NGRN: variants seen among roughly 807,000 people sequenced by gnomAD.
NGRN encodes neugrin.
Under a neutral mutation model 13.1 loss-of-function variants are expected in NGRN, and 12 were observed. The observed-to-expected ratio is 0.92, with a 90% CI of 0.59 to 1.49. NGRN has a LOEUF of 1.49. Among genes scored for constraint, NGRN ranks in the 40% most tolerant of loss-of-function variants. NGRN has a pLI of 0.00. For synonymous variants in NGRN, 149 were observed against 145.8 expected (o/e 1.02, Z -0.16); for missense variants, 397 against 357.0 (o/e 1.11, Z -0.90).
In NGRN at chr15:90,271,823, C is replaced by T; in HGVS notation, c.*35C>T. ...TGGCTTATGGAGATGCCTCGTGAAA[C>T]ACAGCTGGGCAAGTATTAATGTATA... On this transcript the variant is annotated 3_prime_UTR_variant, in exon 3 of 3. Coordinates refer to ENST00000379095, the MANE Select transcript of NGRN (RefSeq NM_001033088.3). The T allele has an allele frequency of 6.2e-7, 1 of 1,604,276 alleles. No individual in the cohort carries two copies. The highest frequency in any genetic ancestry group is 1.1e-5 in the South Asian group (1 of 89,898).
intron 1 of NGRN, 53 bp downstream of exon 1, chr15:90,265,929 G>C: frequency 7.0e-7 from 1 of 1,434,150 alleles, no homozygotes; most frequent in South Asian, 1.5e-5. Context: ...GTGCCCCGGC[G>C]CTCCAGGCCG....
chr15:90,267,029 C>CTTTTTTTTTTTTTT (rs36090180), intron 2 of NGRN, among the ~76,000 whole-genome samples: 1 of 134,808 alleles, frequency 7.4e-6, no homozygotes, highest in Non-Finnish European at 1.6e-5. Flanking sequence ...CCTGTGGGTA[C>CTTTTTTTTTTTTTT]TTTTTTTTTT....
At chr15:90,266,239 T>C in intron 1 of NGRN, 49 bp from the exon 2 acceptor site, 1 of 1,580,358 alleles carries the variant, frequency 6.3e-7, no homozygotes, top group Non-Finnish European at 8.6e-7. Context: ...TCTTCAAACA[T>C]CCATTCTGCT....
In NGRN at chr15:90,265,756, C is replaced by T. The variant is rs770793380; in HGVS notation, c.44C>T (p.Ala15Val). Residue 15 changes from alanine (A) to valine (V), a missense_variant, in exon 1 of 3, where the codon GCC becomes GTC. By Grantham distance (64) the Ala-to-Val change is moderately conservative (BLOSUM62 0). Transcript: ENST00000379095. ...CTCTTGCTGGGCGGGCGCGTTTGCG[C>T]CGCCGTCACTCGCTGTGGGTTCGCG... ...LSLLLGGRVCAAVTRCGFATR... is the reference protein window; with the variant it reads ...LSLLLGGRVCVAVTRCGFATR... 2 of 1,613,134 alleles carry T rather than the reference C, an allele frequency of 1.2e-6. No individual in the cohort carries two copies. Among genetic ancestry groups the T allele is most frequent in the Non-Finnish European group, 1.7e-6 (2 of 1,179,868 alleles).
Position 90,271,348 on chromosome 15 carries a change from C to T in NGRN, c.436C>T (p.Leu146Phe). The T allele has an allele frequency of 6.2e-7, 1 of 1,614,096 alleles. No individual in the cohort carries two copies. Among genetic ancestry groups the T allele is most frequent in the Non-Finnish European group, 8.5e-7 (1 of 1,180,028 alleles). Residue 146 changes from leucine (L) to phenylalanine (F), a missense_variant, in exon 3 of 3, where the codon CTT becomes TTT. Coordinates refer to ENST00000379095, the MANE Select transcript of NGRN (RefSeq NM_001033088.3). Reference sequence around the variant, plus strand: ...TCAAAAAGTCCTTAAGAAAGCTGGGCTTGCCCACTCGCTGCAGCACCTCCG... The same window carrying T: ...TCAAAAAGTCCTTAAGAAAGCTGGGTTTGCCCACTCGCTGCAGCACCTCCG... ...QDQKVLKKAG[L>F]AHSLQHLRGS...
Position 90,271,522 on chromosome 15 carries a change from C to G in NGRN, c.610C>G (p.Pro204Ala), listed in dbSNP as rs144820175. 1.7e-5 allele frequency: 27 copies of G among 1,613,880 alleles called. No individual in the cohort carries two copies. The highest frequency in any genetic ancestry group is 2.1e-5 in the Non-Finnish European group (25 of 1,180,036). The stretch of plus-strand genomic sequence containing the variant: ...GTCAGACACTCACAGGACAAATACA[C>G]CAAGGAGAAGGAAGGGAAGAAATAA... ...IESDTHRTNT[P>A]RRRKGRNKEI... The change falls in exon 3 of 3, where the codon CCA (proline) becomes GCA (alanine). Residue 204 changes from proline to alanine, a missense_variant. Physicochemically the swap from Pro to Ala is conservative, Grantham distance 27. Coordinates refer to ENST00000379095, the MANE Select transcript of NGRN (RefSeq NM_001033088.3).
chr15:90,271,880 G>A lies in NGRN; in HGVS notation c.*92G>A. 6.6e-7 allele frequency: 1 copy of A among 1,518,108 alleles called. No homozygotes were observed. The highest frequency in any genetic ancestry group is 1.9e-4 in the Middle Eastern group (1 of 5,172). The allele number at this position is 1,518,108 out of a possible 1,614,324, so 94.0% of individuals were successfully genotyped here. On this transcript the variant is annotated 3_prime_UTR_variant, in exon 3 of 3. Transcript: ENST00000379095. ...AGCCTGGATTTCTGCATATGGATAA[G>A]CCACCTTGGAATAGGAAGAGGTGTT...
rs768660445 is a variant in NGRN, at chr15:90,265,705, G to C, written c.-8G>C. The stretch of plus-strand genomic sequence containing the variant: ...GTAGCCGACTGCTGAAGGCTGGTTT[G>C]CGTCGACATGGCGGTTACCCTGAGT... On this transcript the variant is annotated 5_prime_UTR_variant, in exon 1 of 3. Coordinates refer to ENST00000379095, the MANE Select transcript of NGRN (RefSeq NM_001033088.3). 34 of 1,613,130 alleles carry C rather than the reference G, an allele frequency of 2.1e-5. No individual in the cohort carries two copies. The highest frequency in any genetic ancestry group is 2.7e-5 in the African/African-American group (2 of 74,904).
intron 1 of NGRN, 130 bp from the exon 2 acceptor site, chr15:90,266,158 C>A: frequency 1.4e-6 from 2 of 1,472,814 alleles, no homozygotes; most frequent in African/African-American, 1.4e-5. Flanking sequence ...AGCTCTAAGC[C>A]GGCAACATGG....
At chr15:90,265,954 C>A in intron 1 of NGRN, 78 bp downstream of exon 1, 1 of 1,426,798 alleles carries the variant, frequency 7.0e-7, no homozygotes, top group Non-Finnish European at 9.1e-7. Context: ...CCCTTGGCGC[C>A]GGGTGTCCTG....
intron 1 of NGRN, 167 bp from the exon 2 acceptor site, chr15:90,266,121 G>C (rs1291329520): frequency 4.8e-6 from 7 of 1,446,296 alleles, no homozygotes; most frequent in Non-Finnish European, 6.3e-6. Context: ...TATTGTTCTA[G>C]GTGTTAGCTT....
intron 1 of NGRN, 117 bp from the exon 2 acceptor site, chr15:90,266,171 C>G: frequency 4.7e-6 from 7 of 1,479,160 alleles, no homozygotes; most frequent in Non-Finnish European, 6.3e-6. Flanking sequence ...CAACATGGCC[C>G]GGTTGCCCTT....
At chr15:90,265,925 C>G in intron 1 of NGRN, 49 bp downstream of exon 1, 2 of 1,440,142 alleles carry the variant, frequency 1.4e-6, no homozygotes, top group East Asian at 2.7e-5. Flanking sequence ...CCTCGTGCCC[C>G]GGCGCTCCAG....
At position 90,272,019 on chromosome 15, in the gene NGRN, C is replaced by G; in HGVS notation, c.*231C>G. On this transcript the variant is annotated 3_prime_UTR_variant, in exon 3 of 3. Coordinates refer to ENST00000379095, the MANE Select transcript of NGRN (RefSeq NM_001033088.3). The stretch of plus-strand genomic sequence containing the variant: ...TACTCACTCTTCTTGCTTAGGCTCT[C>G]TGTGTGTTGAAAGCCATCCCGTGTT... 1.9e-6 allele frequency: 1 copy of G among 534,704 alleles called. No homozygotes were observed. The highest frequency in any genetic ancestry group is 2.9e-5 in the East Asian group (1 of 34,114). The allele number at this position is 534,704 out of a possible 1,614,324, so 33.1% of individuals were successfully genotyped here.
At position 90,265,693 on chromosome 15, in the gene NGRN, G is replaced by T. The variant is rs368139238; in HGVS notation, c.-20G>T. ...CGCTGCTGTTTCGTAGCCGACTGCT[G>T]AAGGCTGGTTTGCGTCGACATGGCG... On this transcript the variant is annotated 5_prime_UTR_variant, in exon 1 of 3. Coordinates refer to ENST00000379095, the MANE Select transcript of NGRN (RefSeq NM_001033088.3). 23 of 1,612,832 alleles carry T rather than the reference G, an allele frequency of 1.4e-5. No individual in the cohort carries two copies. In the African/African-American group the frequency reaches 2.4e-4, roughly 17 times the overall value.
Position 90,265,707 on chromosome 15 carries a change from G to A in NGRN, c.-6G>A. On this transcript the variant is annotated 5_prime_UTR_variant, in exon 1 of 3. Transcript: ENST00000379095. ...AGCCGACTGCTGAAGGCTGGTTTGC[G>A]TCGACATGGCGGTTACCCTGAGTCT... 2 of 1,613,232 alleles carry A rather than the reference G, an allele frequency of 1.2e-6. No individual in the cohort carries two copies. Among genetic ancestry groups the A allele is most frequent in the East Asian group, 4.5e-5 (2 of 44,858 alleles).
intron 1 of NGRN, 63 bp from the exon 2 acceptor site, chr15:90,266,225 A>T: frequency 6.4e-7 from 1 of 1,558,574 alleles, no homozygotes; most frequent in Non-Finnish European, 8.7e-7. Flanking sequence ...ATTTAGCCTG[A>T]GGCTCTTCAA....
chr15:90,271,387 AC>A lies in NGRN; in HGVS notation c.477del (p.Ser160GlnfsTer32). ...SLQHLRGSGN[T>X]SKLLPAGHSV... ...GCAGCACCTCCGGGGCTCTGGAAATACCTCAAAGCTGCTCCCTGCAGGCCAC... is the reference window on the plus strand; with the variant it reads ...GCAGCACCTCCGGGGCTCTGGAAATACTCAAAGCTGCTCCCTGCAGGCCAC... On this transcript the variant is annotated frameshift_variant, in exon 3 of 3. Coordinates refer to ENST00000379095, the MANE Select transcript of NGRN (RefSeq NM_001033088.3). LOFTEE classifies it low-confidence loss of function (END_TRUNC). 6.2e-7 allele frequency: 1 copy of A among 1,614,024 alleles called. No individual in the cohort carries two copies. Among genetic ancestry groups the A allele is most frequent in the Non-Finnish European group, 8.5e-7 (1 of 1,180,000 alleles).
At chr15:90,266,815 G>A (rs954688842) in intron 2 of NGRN, among the ~76,000 whole-genome samples, 3 of 152,130 alleles carry the variant, frequency 2.0e-5, no homozygotes, top group African/African-American at 7.2e-5. Flanking sequence ...CTTGAATGTA[G>A]GTTGTGACGT....
Sources: gnomAD v4.1 joint callset for allele counts (sites outside exome capture counted in the v4.1 genomes callset) on GRCh38, gnomAD v4.1.1 for gene constraint, MANE v1.5 for transcripts, NCBI Gene and HGNC (gene_info 2026-07-23, HGNC 2026-07-21) for gene names.